PLXNA2: variants seen among roughly 807,000 people sequenced by gnomAD.
The protein encoded by PLXNA2 is plexin-A2.
A neutral mutation model predicts 193.5 loss-of-function variants in PLXNA2; 91 were observed. The ratio of observed to expected loss-of-function variants is 0.47; its 90% CI spans 0.40 to 0.56. PLXNA2 has a LOEUF of 0.56. Ranked by LOEUF, PLXNA2 falls within the 20% of genes least tolerant of loss-of-function variation. The pLI is 0.00. For synonymous variants in PLXNA2, 997 were observed against 1,027.3 expected, an observed-to-expected ratio of 0.97 and a Z score of 0.56; for missense variants, 1,995 against 2,503.2, an observed-to-expected ratio of 0.80 and a Z score of 4.33.
chr1:208,047,610 G>A (rs1224222497), intron 17 of PLXNA2, among the ~76,000 whole-genome samples: 1 of 152,224 alleles, frequency 6.6e-6, no homozygotes, highest in Non-Finnish European at 1.5e-5. Flanking sequence ...GGAGCAGTGG[G>A]GTCCCGGCAA....
In PLXNA2 at chr1:208,043,213, T is replaced by A. The variant is rs751381733; in HGVS notation, c.3875-10A>T. ...TGGAGCTCAGCAAAAGCTATGAGAA[T>A]AAGCAGACGGAGAGGCTCGTGGGGA... On this transcript the variant is annotated splice_polypyrimidine_tract_variant and intron_variant, in intron 20 of 31. Transcript: ENST00000367033. 1.2e-6 allele frequency: 2 copies of A among 1,610,690 alleles called. No homozygotes were observed. Among genetic ancestry groups the A allele is most frequent in the Non-Finnish European group, 1.7e-6 (2 of 1,177,532 alleles).
chr1:208,094,498 C>T (rs1666815831), intron 8 of PLXNA2, among the ~76,000 whole-genome samples: 1 of 151,962 alleles, frequency 6.6e-6, no homozygotes, highest in Admixed American at 6.6e-5. Flanking sequence ...AGCAATACAT[C>T]TTTGAAAGTG....
At chr1:208,195,581 G>T (rs1231532839) in intron 3 of PLXNA2, among the ~76,000 whole-genome samples, 1 of 151,838 alleles carries the variant, frequency 6.6e-6, no homozygotes, top group Non-Finnish European at 1.5e-5. Flanking sequence ...CAAAGAGTGG[G>T]GAGATTCAGG....
chr1:208,199,712 G>T (rs1670478662), intron 3 of PLXNA2, among the ~76,000 whole-genome samples: 1 of 151,328 alleles, frequency 6.6e-6, no homozygotes. Flanking sequence ...AAAAAAAAAA[G>T]TCCTTTAAAA....
At chr1:208,226,649 T>G (rs1671520279) in intron 1 of PLXNA2, among the ~76,000 whole-genome samples, 1 of 152,200 alleles carries the variant, frequency 6.6e-6, no homozygotes, top group African/African-American at 2.4e-5. Flanking sequence ...CTGCCCCATA[T>G]GTCATGGGCC....
At chr1:208,152,687 A>ACACACACACACG (rs1668804586) in intron 3 of PLXNA2, among the ~76,000 whole-genome samples, 1 of 134,642 alleles carries the variant, frequency 7.4e-6, no homozygotes, top group Admixed American at 7.2e-5. Flanking sequence ...ACACACGCAC[A>ACACACACACACG]CACACACACA....
chr1:208,152,622 G>A (rs1668798777), intron 3 of PLXNA2, among the ~76,000 whole-genome samples: 1 of 147,566 alleles, frequency 6.8e-6, no homozygotes, highest in Admixed American at 6.8e-5. Flanking sequence ...CACTACTTTT[G>A]GAATAATGAA....
rs142759673 is a variant in PLXNA2 at position 208,161,997 on chromosome 1, C to T, written c.1372-19534G>A. 3.4e-3 allele frequency among the ~76,000 whole-genome samples: 524 copies of T among 152,288 alleles called. 1 individual carries two copies. Among genetic ancestry groups the T allele is most frequent in the Non-Finnish European group, 5.9e-3 (403 of 68,028 alleles). On this transcript the variant is annotated intron_variant, in intron 3 of 31. Coordinates refer to ENST00000367033, the MANE Select transcript of PLXNA2 (RefSeq NM_025179.4). ...CTGGGAGGAGAGGGGGAGCAGGAGC[C>T]AGCCTGTGTGTGCCTCAACTTGATC...
chr1:208,163,969 G>A (rs1240233989), intron 3 of PLXNA2, among the ~76,000 whole-genome samples: 1 of 152,198 alleles, frequency 6.6e-6, no homozygotes, highest in East Asian at 1.9e-4. Context: ...CCCCCACAAA[G>A]GGGCCGCTTC....
At chr1:208,111,956 C>T (rs1209036622) in intron 4 of PLXNA2, among the ~76,000 whole-genome samples, 1 of 152,240 alleles carries the variant, frequency 6.6e-6, no homozygotes, top group African/African-American at 2.4e-5. Context: ...TGACCAGAAG[C>T]TGACCCCGGT....
In PLXNA2 at chr1:208,029,005, G is replaced by T; in HGVS notation, c.5263C>A (p.Pro1755Thr). 6.2e-7 allele frequency: 1 copy of T among 1,614,106 alleles called. No homozygotes were observed. Among genetic ancestry groups the T allele is most frequent in the Non-Finnish European group, 8.5e-7 (1 of 1,180,024 alleles). The change falls in exon 30 of 32, where the codon CCC (proline) becomes ACC (threonine). Residue 1755 changes from proline to threonine, a missense_variant. Pro to Thr is a conservative substitution (Grantham distance 38, BLOSUM62 -1). Coordinates refer to ENST00000367033, the MANE Select transcript of PLXNA2 (RefSeq NM_025179.4). The stretch of plus-strand genomic sequence containing the variant: ...TTGTGGATGTCAAACACGAACTGGG[G>T]GTTCTTAATCACGTTCACCCAGAAG... ...LRFWVNVIKNPQFVFDIHKGS... is the reference protein window; with the variant it reads ...LRFWVNVIKNTQFVFDIHKGS...
intron 9 of PLXNA2, among the ~76,000 whole-genome samples, chr1:208,088,051 C>T (rs561791244): frequency 1.3e-5 from 2 of 152,304 alleles, no homozygotes; most frequent in Admixed American, 1.3e-4. Context: ...ATTGCTACCG[C>T]GGATCCTCAC....
chr1:208,032,188 A>T (rs1271277801), intron 28 of PLXNA2: 2 of 974,464 alleles, frequency 2.1e-6, no homozygotes, highest in Non-Finnish European at 2.4e-6. Flanking sequence ...TTAGGAAGGT[A>T]TGAAGAGGCT....
chr1:208,195,294 T>C (rs1572019621), intron 3 of PLXNA2, among the ~76,000 whole-genome samples: 1 of 152,198 alleles, frequency 6.6e-6, no homozygotes, highest in East Asian at 1.9e-4. Flanking sequence ...ATGGCTTCAC[T>C]AGGGAAGACA....
intron 3 of PLXNA2, among the ~76,000 whole-genome samples, chr1:208,184,418 T>A (rs190131908): frequency 6.7e-6 from 1 of 149,436 alleles, no homozygotes; most frequent in East Asian, 1.9e-4. Context: ...CTCCACCCCC[T>A]GCTTAAAAAA....
At chr1:208,048,085 CCT>C (rs1471764712) in intron 17 of PLXNA2, among the ~76,000 whole-genome samples, 7 of 152,190 alleles carry the variant, frequency 4.6e-5, no homozygotes, top group Non-Finnish European at 8.8e-5. Flanking sequence ...CCAACATCTT[CCT>C]CTCTGCTGGT....
Position 208,023,139 on chromosome 1 carries a change from C to T in PLXNA2, c.*4104G>A, listed in dbSNP as rs1333384965. On this transcript the variant is annotated 3_prime_UTR_variant, in exon 32 of 32. Coordinates refer to ENST00000367033, the MANE Select transcript of PLXNA2 (RefSeq NM_025179.4). The stretch of plus-strand genomic sequence containing the variant: ...GAAGTTCATCTCCCAAGTTCCCCGT[C>T]GATCTGCTCCCACAGCCCTGTGTCT... 1.3e-5 allele frequency: 2 copies of T among 152,254 alleles called. No individual in the cohort carries two copies. Among genetic ancestry groups the T allele is most frequent in the African/African-American group, 2.4e-5 (1 of 41,466 alleles). 9.4% of individuals were successfully genotyped at this position (152,254 alleles called of 1,614,324 possible). A position where few individuals can be genotyped will look rare whatever the true frequency, so the allele number is the denominator to read the frequency against.
chr1:208,073,342 T>C (rs1345178984), intron 12 of PLXNA2, among the ~76,000 whole-genome samples: 2 of 152,126 alleles, frequency 1.3e-5, no homozygotes, highest in Non-Finnish European at 2.9e-5. Context: ...CCCTAGGCCT[T>C]TTGGAGGAAG....
At chr1:208,033,035 T>TC (rs887948356) in intron 28 of PLXNA2, among the ~76,000 whole-genome samples, 18 of 113,250 alleles carry the variant, frequency 1.6e-4, no homozygotes, top group African/African-American at 2.2e-4. Flanking sequence ...TCTCTCTCTC[T>TC]TTTTTTTTTT....
Sources: gnomAD v4.1 joint callset for allele counts (sites outside exome capture counted in the v4.1 genomes callset) on GRCh38, gnomAD v4.1.1 for gene constraint, MANE v1.5 for transcripts, NCBI Gene and HGNC (gene_info 2026-07-23, HGNC 2026-07-21) for gene names.